WDR19: variants seen among roughly 807,000 people sequenced by gnomAD.
WDR19 encodes WD repeat-containing protein 19.
WDR19 carries 121 observed loss-of-function variants against 180.0 expected under a neutral mutation model. The observed-to-expected ratio is 0.67, with a 90% CI of 0.58 to 0.78. The LOEUF (loss-of-function observed/expected upper bound fraction) is 0.78. Ranked by LOEUF, WDR19 falls within the 30% of genes least tolerant of loss-of-function variation. The pLI is 0.00. For synonymous variants in WDR19, 497 were observed against 540.7 expected (o/e 0.92, Z 1.12); for missense variants, 1,450 against 1,640.7 (o/e 0.88, Z 2.01).
At chr4:39,252,214 T>G (rs1158576090) in intron 24 of WDR19, among the ~76,000 whole-genome samples, 1 of 151,672 alleles carries the variant, frequency 6.6e-6, no homozygotes, top group Non-Finnish European at 1.5e-5. Context: ...TGTAGGGACA[T>G]GGATGAAGCT....
intron 14 of WDR19, among the ~76,000 whole-genome samples, chr4:39,219,594 A>C (rs1361120105): frequency 6.6e-6 from 1 of 152,194 alleles, no homozygotes; most frequent in African/African-American, 2.4e-5. Context: ...TAACCCCTCC[A>C]AGCCTTGTTT....
chr4:39,226,614 G>A lies in WDR19; in HGVS notation c.1629+1581G>A, dbSNP rs1369877136. 4.6e-5 allele frequency among the ~76,000 whole-genome samples: 7 copies of A among 152,162 alleles called. No homozygotes were observed. In the East Asian group the frequency reaches 1.3e-3, roughly 29 times the overall value. Reference sequence around the variant, plus strand: ...CAAATACTGGCTCGTCAGCCTACTAGCTGTGTGACTTTGGGCAGATTTCTC... The same window carrying A: ...CAAATACTGGCTCGTCAGCCTACTAACTGTGTGACTTTGGGCAGATTTCTC... On this transcript the variant is annotated intron_variant, in intron 15 of 36. Coordinates refer to ENST00000399820, the MANE Select transcript of WDR19 (RefSeq NM_025132.4).
intron 14 of WDR19, chr4:39,219,017 G>T (rs1031559051): frequency 6.6e-6 from 1 of 152,144 alleles, no homozygotes; most frequent in African/African-American, 2.4e-5. Context: ...GGAATAACAT[G>T]CATGGAGCTG....
At position 39,257,511 on chromosome 4, in the gene WDR19, C is replaced by T. The variant is rs1244203665; in HGVS notation, c.3140C>T (p.Pro1047Leu). Residue 1047 changes from proline to leucine, a missense_variant, in exon 28 of 37, where the codon CCA becomes CTA. Physicochemically the swap from Pro to Leu is moderately conservative, Grantham distance 98 (BLOSUM62 -3). Transcript: ENST00000399820. ...GCACTTAAACACTTCCTGAAATGCCCAAGCTCGGAAGATAATGTGGCAATA... is the reference window on the plus strand; with the variant it reads ...GCACTTAAACACTTCCTGAAATGCCTAAGCTCGGAAGATAATGTGGCAATA... ...SRALKHFLKCPSSEDNVAIEM... is the reference protein window; with the variant it reads ...SRALKHFLKCLSSEDNVAIEM... 1.4e-5 allele frequency: 22 copies of T among 1,588,170 alleles called. No individual in the cohort carries two copies. Among genetic ancestry groups the T allele is most frequent in the Non-Finnish European group, 1.9e-5 (22 of 1,166,322 alleles).
chr4:39,240,177 TAAAAAAAAAAAAAA>T (rs55876795), intron 20 of WDR19, 86 bp from the exon 21 acceptor site: 49 of 146,870 alleles, frequency 3.3e-4, no homozygotes, highest in Non-Finnish European at 4.3e-4. Context: ...ACCCTGTCTC[TAAAAAAAAAAAAAA>T]AAAAAAAAAA....
In WDR19 at chr4:39,210,524, A is replaced by G. The variant is rs1445930882; in HGVS notation, c.891-4077A>G. Among the ~76,000 whole-genome samples the G allele has an allele frequency of 3.3e-5, 5 of 150,528 alleles. 1 individual carries two copies. Among genetic ancestry groups the G allele is most frequent in the Non-Finnish European group, 4.4e-5 (3 of 67,486 alleles). On this transcript the variant is annotated intron_variant, in intron 9 of 36. Coordinates refer to ENST00000399820, the MANE Select transcript of WDR19 (RefSeq NM_025132.4). ...ATAGCGAGACCCCATCTCTAAAACA[A>G]AATAGCCAGGCATGGCGGCATGTGC...
intron 22 of WDR19, 37 bp from the exon 23 acceptor site, chr4:39,244,433 A>G: frequency 6.2e-7 from 1 of 1,613,834 alleles, no homozygotes; most frequent in Non-Finnish European, 8.5e-7. Flanking sequence ...TTTTATACAT[A>G]ATAACTTAGT....
chr4:39,267,640 CTG>C (rs2109489272), intron 29 of WDR19, among the ~76,000 whole-genome samples: 1 of 152,292 alleles, frequency 6.6e-6, no homozygotes, highest in African/African-American at 2.4e-5. Flanking sequence ...GAGAAATACT[CTG>C]TGGAGTAGGG....
intron 5 of WDR19, among the ~76,000 whole-genome samples, chr4:39,195,744 G>C (rs1233558905): frequency 6.6e-6 from 1 of 152,158 alleles, no homozygotes; most frequent in Non-Finnish European, 1.5e-5. Flanking sequence ...TTACACTCTG[G>C]AGATCATGGC....
intron 32 of WDR19, chr4:39,273,268 A>T (rs1735560962): frequency 1.9e-6 from 1 of 516,500 alleles, no homozygotes; most frequent in Non-Finnish European, 3.3e-6. Flanking sequence ...ACACAGTAGT[A>T]CCAAAGCCGA....
At chr4:39,278,468 T>C in intron 35 of WDR19, 71 bp from the exon 36 acceptor site, 1 of 1,258,380 alleles carries the variant, frequency 7.9e-7, no homozygotes, top group Non-Finnish European at 1.1e-6. Context: ...GTTGTCTTTC[T>C]CATTAGAGTA....
At chr4:39,279,801 T>C (rs1209068049) in intron 36 of WDR19, among the ~76,000 whole-genome samples, 2 of 151,442 alleles carry the variant, frequency 1.3e-5, no homozygotes, top group African/African-American at 2.4e-5. Context: ...TCCCAGATTC[T>C]AGTGATTCTC....
intron 7 of WDR19, 76 bp from the exon 8 acceptor site, chr4:39,205,078 C>A: frequency 1.0e-6 from 1 of 1,003,550 alleles, no homozygotes; most frequent in Non-Finnish European, 1.5e-6. Context: ...TTAGGTTCAG[C>A]TGTTGGATTT....
chr4:39,270,130 A>G (rs757195640), intron 31 of WDR19, 30 bp downstream of exon 31: 2 of 1,609,360 alleles, frequency 1.2e-6, no homozygotes, highest in Non-Finnish European at 1.7e-6. Context: ...TTGGGACATA[A>G]CCTGCCAGGT....
intron 28 of WDR19, among the ~76,000 whole-genome samples, chr4:39,264,921 G>GTTT (rs10647012): frequency 3.5e-4 from 49 of 141,968 alleles, no homozygotes; most frequent in East Asian, 4.1e-4. Context: ...TGGAGATGAC[G>GTTT]TTTTTTTTTT....
intron 5 of WDR19, among the ~76,000 whole-genome samples, chr4:39,195,166 G>A (rs375603752): frequency 6.6e-6 from 1 of 152,026 alleles, no homozygotes; most frequent in Non-Finnish European, 1.5e-5. Context: ...AGGAGTTCAA[G>A]ACCAGCCTGG....
rs1046623642 is a variant in WDR19 at position 39,274,613 on chromosome 4, C to G, written c.3566-195C>G. ...GAACATGGTGTCATCAAAGGAAAAG[C>G]ACTTGATGGGCAGTTAGCCTGACCC... is the stretch of plus-strand genomic sequence containing the variant. On this transcript the variant is annotated intron_variant, in intron 32 of 36. Coordinates refer to ENST00000399820, the MANE Select transcript of WDR19 (RefSeq NM_025132.4). 27 of 592,130 alleles carry G rather than the reference C, an allele frequency of 4.6e-5. No homozygotes were observed. In the African/African-American group the frequency reaches 4.8e-4, roughly 11 times the overall value. 36.7% of individuals were successfully genotyped at this position (592,130 alleles called of 1,614,324 possible).
At chr4:39,212,093 T>G (rs1728601535) in intron 9 of WDR19, among the ~76,000 whole-genome samples, 1 of 152,154 alleles carries the variant, frequency 6.6e-6, no homozygotes, top group Non-Finnish European at 1.5e-5. Context: ...CTTGTTTAGC[T>G]ACAATCATCA....
rs778717524 is a variant in WDR19, at chr4:39,182,554, G to A, written c.-4G>A. On this transcript the variant is annotated 5_prime_UTR_variant, in exon 1 of 37. Transcript: ENST00000399820. ...ATAGTTCGCGTAGCGGCTCGAGCGT[G>A]GAGATGAAGGTAAATAACTTACAAA... 3.1e-6 allele frequency: 5 copies of A among 1,613,796 alleles called. No individual in the cohort carries two copies. Among genetic ancestry groups the A allele is most frequent in the Admixed American group, 3.3e-5 (2 of 60,014 alleles).
Sources: gnomAD v4.1 joint callset for allele counts (sites outside exome capture counted in the v4.1 genomes callset) on GRCh38, gnomAD v4.1.1 for gene constraint, MANE v1.5 for transcripts, NCBI Gene and HGNC (gene_info 2026-07-23, HGNC 2026-07-21) for gene names.